COL19A1: variants seen among roughly 807,000 people sequenced by gnomAD.
COL19A1 encodes collagen type XIX alpha 1 chain.
In COL19A1, 159 loss-of-function variants were observed where a neutral mutation model predicts 190.2. The ratio of observed to expected loss-of-function variants is 0.84; its 90% CI spans 0.73 to 0.95. COL19A1 has a LOEUF of 0.95. COL19A1 is among the 40% of genes least tolerant of loss of function. The pLI, the probability that COL19A1 is intolerant of heterozygous loss-of-function variation, is 0.00. For missense variants in COL19A1, 1,418 were observed against 1,431.9 expected (o/e 0.99, Z 0.16); for synonymous variants, 509 against 458.9 (o/e 1.11, Z -1.39).
intron 1 of COL19A1, among the ~76,000 whole-genome samples, chr6:69,873,467 A>G (rs1767955122): frequency 6.6e-6 from 1 of 152,214 alleles, no homozygotes; most frequent in Non-Finnish European, 1.5e-5. Flanking sequence ...GACCCAAGAA[A>G]GAAAAAAAAT....
At chr6:70,136,541 A>G (rs1397988997) in intron 18 of COL19A1, among the ~76,000 whole-genome samples, 2 of 152,216 alleles carry the variant, frequency 1.3e-5, no homozygotes, top group Non-Finnish European at 2.9e-5. Flanking sequence ...TATGTTATTT[A>G]TGAGATAAAG....
chr6:69,955,363 A>G (rs1249588243), intron 9 of COL19A1, among the ~76,000 whole-genome samples: 1 of 152,110 alleles, frequency 6.6e-6, no homozygotes, highest in Non-Finnish European at 1.5e-5. Flanking sequence ...TACAACTTGT[A>G]TTTAATTAAT....
chr6:70,087,103 G>A (rs1286418286), intron 15 of COL19A1, among the ~76,000 whole-genome samples: 1 of 152,128 alleles, frequency 6.6e-6, no homozygotes, highest in Non-Finnish European at 1.5e-5. Flanking sequence ...AAGACTATAT[G>A]TCTCACAAAG....
chr6:70,124,189 T>C (rs1047603988), intron 17 of COL19A1, among the ~76,000 whole-genome samples: 1 of 152,126 alleles, frequency 6.6e-6, no homozygotes, highest in African/African-American at 2.4e-5. Context: ...TGTTTAAATT[T>C]AATCAATTTA....
At chr6:70,046,435 A>G (rs940617034) in intron 14 of COL19A1, among the ~76,000 whole-genome samples, 3 of 152,138 alleles carry the variant, frequency 2.0e-5, no homozygotes, top group African/African-American at 7.2e-5. Context: ...CTCTCATTGC[A>G]TTTCTGACTT....
At chr6:70,093,471 A>G (rs1783051846) in intron 15 of COL19A1, among the ~76,000 whole-genome samples, 1 of 152,090 alleles carries the variant, frequency 6.6e-6, no homozygotes, top group Non-Finnish European at 1.5e-5. Context: ...TGGTGTGGCA[A>G]GGCAGTTAGG....
chr6:69,925,990 A>C (rs1417896532), intron 4 of COL19A1, among the ~76,000 whole-genome samples: 15 of 152,190 alleles, frequency 9.9e-5, no homozygotes, highest in Non-Finnish European at 4.4e-5. Context: ...TTTTGGGCTG[A>C]GACGATGGGG....
At chr6:69,991,912 A>G (rs773440447) in intron 11 of COL19A1, among the ~76,000 whole-genome samples, 1 of 151,962 alleles carries the variant, frequency 6.6e-6, no homozygotes, top group East Asian at 1.9e-4. Flanking sequence ...TAATTAGATC[A>G]TATTTGTCAA....
At position 69,921,442 on chromosome 6, in the gene COL19A1, TA is replaced by T. The variant is rs1177825838; in HGVS notation, c.267-6466del. 1.3e-3 allele frequency among the ~76,000 whole-genome samples: 147 copies of T among 111,108 alleles called. 1 individual carries two copies. The highest frequency in any genetic ancestry group is 6.3e-3 in the African/African-American group (142 of 22,618). The allele number at this position is 111,108 out of a possible 152,430, so 72.9% of individuals were successfully genotyped here. On this transcript the variant is annotated intron_variant, in intron 4 of 50. Transcript: ENST00000620364. Reference sequence around the variant, plus strand: ...TCATATATATCATATATATCATATATATCATATATCATATATATCATATATA... The same window carrying T: ...TCATATATATCATATATATCATATATTCATATATCATATATATCATATATA...
In COL19A1 at chr6:69,928,045, T is replaced by G; in HGVS notation, c.390+13T>G. 6.2e-7 allele frequency: 1 copy of G among 1,610,418 alleles called. No homozygotes were observed. Among genetic ancestry groups the G allele is most frequent in the Non-Finnish European group, 8.5e-7 (1 of 1,177,606 alleles). ...GAATATTCCACAGGTAAAGTACCATTAGAGTTGTGCTCATTAGTTTTCCTT... is the reference window on the plus strand; with the variant it reads ...GAATATTCCACAGGTAAAGTACCATGAGAGTTGTGCTCATTAGTTTTCCTT... On this transcript the variant is annotated intron_variant, in intron 5 of 50. Transcript: ENST00000620364.
intron 4 of COL19A1, 45 bp from the exon 5 acceptor site, chr6:69,927,864 C>T: frequency 6.4e-7 from 1 of 1,564,666 alleles, no homozygotes; most frequent in Non-Finnish European, 8.7e-7. Flanking sequence ...TATTTTCTTG[C>T]AATCTCCAGT....
intron 49 of COL19A1, among the ~76,000 whole-genome samples, chr6:70,202,888 C>A (rs1562267989): frequency 6.6e-6 from 1 of 152,142 alleles, no homozygotes; most frequent in Non-Finnish European, 1.5e-5. Flanking sequence ...CATTTCCAGA[C>A]AGCTTTTAGA....
chr6:70,034,898 C>T (rs914311072), intron 13 of COL19A1, among the ~76,000 whole-genome samples: 6 of 152,170 alleles, frequency 3.9e-5, no homozygotes, highest in African/African-American at 7.2e-5. Flanking sequence ...AAATCCTTGT[C>T]TATCTTCAAT....
At chr6:70,051,923 C>T (rs1349711286) in intron 14 of COL19A1, among the ~76,000 whole-genome samples, 1 of 152,060 alleles carries the variant, frequency 6.6e-6, no homozygotes, top group Non-Finnish European at 1.5e-5. Context: ...GGCCAGCCTG[C>T]ACTATTGATC....
intron 34 of COL19A1, among the ~76,000 whole-genome samples, chr6:70,158,927 T>G (rs753948409): frequency 1.3e-5 from 2 of 152,138 alleles, no homozygotes; most frequent in Non-Finnish European, 2.9e-5. Context: ...TAAAATTATC[T>G]TATTGCCCTT....
chr6:70,102,055 G>C, intron 15 of COL19A1, 114 bp from the exon 16 acceptor site: 2 of 921,406 alleles, frequency 2.2e-6, no homozygotes, highest in Non-Finnish European at 3.5e-6. Flanking sequence ...AATTGGAATT[G>C]TTTCTTAACT....
intron 14 of COL19A1, among the ~76,000 whole-genome samples, chr6:70,051,855 G>T (rs1455005072): frequency 6.6e-6 from 1 of 151,942 alleles, no homozygotes; most frequent in Non-Finnish European, 1.5e-5. Context: ...TATTCAATTT[G>T]TCTCATATAG....
chr6:69,960,994 G>A (rs1157899639), intron 10 of COL19A1, among the ~76,000 whole-genome samples: 2 of 152,140 alleles, frequency 1.3e-5, no homozygotes, highest in Non-Finnish European at 2.9e-5. Context: ...TAAAAACACA[G>A]AGACCATTAT....
intron 7 of COL19A1, among the ~76,000 whole-genome samples, chr6:69,935,695 C>T (rs1442601228): frequency 2.8e-5 from 4 of 143,384 alleles, no homozygotes; most frequent in African/African-American, 1.1e-4. Flanking sequence ...AAGAATTCAA[C>T]TACTACCAAG....
Sources: gnomAD v4.1 joint callset for allele counts (sites outside exome capture counted in the v4.1 genomes callset) on GRCh38, gnomAD v4.1.1 for gene constraint, MANE v1.5 for transcripts, NCBI Gene and HGNC (gene_info 2026-07-23, HGNC 2026-07-21) for gene names.